Variants in SPOCK3 observed in about 807,000 individuals in gnomAD.
SPOCK3 encodes the protein SPARC (osteonectin), cwcv and kazal like domains proteoglycan 3, also known as testican-3.
A neutral mutation model predicts 56.6 loss-of-function variants in SPOCK3; 30 were observed. The ratio of observed to expected loss-of-function variants is 0.53; its 90% CI spans 0.40 to 0.72. SPOCK3 has a LOEUF of 0.72. Among genes scored for constraint, SPOCK3 ranks in the 30% least tolerant of loss-of-function variants. The pLI is 0.00. For synonymous variants in SPOCK3, 196 were observed against 183.3 expected (o/e 1.07, Z -0.56); for missense variants, 527 against 530.0 (o/e 0.99, Z 0.06).
intron 4 of SPOCK3, among the ~76,000 whole-genome samples, chr4:166,946,065 G>A (rs1490198197): frequency 1.3e-5 from 2 of 151,924 alleles, no homozygotes; most frequent in Non-Finnish European, 2.9e-5. Flanking sequence ...TATTGGTTAG[G>A]ACCATGAATA....
chr4:166,813,099 C>G (rs1047904158), intron 6 of SPOCK3, among the ~76,000 whole-genome samples: 60 of 152,102 alleles, frequency 3.9e-4, no homozygotes, highest in African/African-American at 1.4e-3. Context: ...GTTCCATACA[C>G]ACATTCTGTC....
At chr4:166,888,712 C>T (rs528876416) in intron 6 of SPOCK3, among the ~76,000 whole-genome samples, 77 of 152,052 alleles carry the variant, frequency 5.1e-4, no homozygotes, top group Middle Eastern at 3.4e-3. Context: ...GGGTAGACAT[C>T]TTTATTTAAA....
intron 2 of SPOCK3, among the ~76,000 whole-genome samples, chr4:167,207,775 A>G (rs1291024246): frequency 6.6e-6 from 1 of 152,168 alleles, no homozygotes; most frequent in Non-Finnish European, 1.5e-5. Flanking sequence ...ATGCTAAATG[A>G]CGAGTTAATG....
At chr4:166,903,810 G>A (rs1413007347) in intron 5 of SPOCK3, among the ~76,000 whole-genome samples, 4 of 152,118 alleles carry the variant, frequency 2.6e-5, no homozygotes, top group Non-Finnish European at 5.9e-5. Flanking sequence ...TTTAGGGTGG[G>A]AAGCGGTTAA....
intron 3 of SPOCK3, among the ~76,000 whole-genome samples, chr4:167,023,315 T>C (rs569715789): frequency 6.6e-6 from 1 of 152,114 alleles, no homozygotes; most frequent in South Asian, 2.1e-4. Context: ...GTACTGTGTC[T>C]GGTAGCCAGA....
Position 167,000,361 on chromosome 4 carries a change from C to T in SPOCK3, c.338G>A (p.Arg113Lys). The change falls in exon 4 of 11, where the codon AGG becomes AAG. Residue 113 changes from arginine to lysine, a missense_variant. Transcript: ENST00000357545. ...TAACAATGTTTACCTGTGTGTAAGC[C>T]TCCGGTGACTAATGCAGACTGCAGT... is the stretch of plus-strand genomic sequence containing the variant. Reference protein sequence around the residue: ...SQTAVCISHRRLTHRMKEAGV... With the variant: ...SQTAVCISHRKLTHRMKEAGV... 6.4e-7 allele frequency: 1 copy of T among 1,564,384 alleles called. No homozygotes were observed. Among genetic ancestry groups the T allele is most frequent in the Non-Finnish European group, 8.7e-7 (1 of 1,144,078 alleles).
chr4:166,841,532 A>T (rs1034042697), intron 6 of SPOCK3, among the ~76,000 whole-genome samples: 3 of 152,216 alleles, frequency 2.0e-5, no homozygotes, highest in African/African-American at 7.2e-5. Context: ...AAACCTATTT[A>T]GTTTTCTTGT....
At chr4:166,843,268 G>T (rs2126841447) in intron 6 of SPOCK3, among the ~76,000 whole-genome samples, 1 of 152,358 alleles carries the variant, frequency 6.6e-6, no homozygotes, top group Non-Finnish European at 1.5e-5. Flanking sequence ...GGCTTCTCAA[G>T]CTTGGCCAGA....
At chr4:166,821,759 G>A (rs1006079628) in intron 6 of SPOCK3, among the ~76,000 whole-genome samples, 5 of 152,010 alleles carry the variant, frequency 3.3e-5, no homozygotes, top group African/African-American at 7.2e-5. Flanking sequence ...AATTAACAAT[G>A]TCTACAAATA....
intron 3 of SPOCK3, among the ~76,000 whole-genome samples, chr4:167,003,126 A>T (rs1016948033): frequency 7.2e-5 from 11 of 152,108 alleles, no homozygotes; most frequent in African/African-American, 2.7e-4. Flanking sequence ...AATTTCCAAA[A>T]GTTCTGTCAC....
intron 8 of SPOCK3, among the ~76,000 whole-genome samples, chr4:166,743,119 G>A (rs1477477067): frequency 6.6e-6 from 1 of 151,928 alleles, no homozygotes; most frequent in Admixed American, 6.6e-5. Flanking sequence ...CATATAATAT[G>A]TAATATATAC....
chr4:166,736,171 T>C (rs947701323), intron 10 of SPOCK3, among the ~76,000 whole-genome samples: 1 of 152,136 alleles, frequency 6.6e-6, no homozygotes, highest in Non-Finnish European at 1.5e-5. Flanking sequence ...GAAGAAAATA[T>C]TTAGTTCTCC....
At chr4:167,186,526 C>T (rs1295988160) in intron 2 of SPOCK3, among the ~76,000 whole-genome samples, 1 of 151,712 alleles carries the variant, frequency 6.6e-6, no homozygotes, top group Non-Finnish European at 1.5e-5. Context: ...ACTTGGGAAG[C>T]TGAGGCAGGA....
intron 7 of SPOCK3, among the ~76,000 whole-genome samples, chr4:166,768,151 G>A (rs1738387351): frequency 6.6e-6 from 1 of 152,112 alleles, no homozygotes; most frequent in South Asian, 2.1e-4. Context: ...CAATTTGCCA[G>A]TCTGTGTCTT....
intron 2 of SPOCK3, among the ~76,000 whole-genome samples, chr4:167,131,866 T>C (rs1185957994): frequency 6.6e-6 from 1 of 152,218 alleles, no homozygotes; most frequent in Admixed American, 6.5e-5. Flanking sequence ...ATAAGTACTA[T>C]GAATCTCAAA....
chr4:167,024,411 A>G (rs1286556544), intron 3 of SPOCK3, among the ~76,000 whole-genome samples: 1 of 152,042 alleles, frequency 6.6e-6, no homozygotes, highest in Non-Finnish European at 1.5e-5. Context: ...TCACAATTAA[A>G]TGTATAAATT....
intron 10 of SPOCK3, among the ~76,000 whole-genome samples, chr4:166,736,922 A>C (rs1288611589): frequency 6.6e-6 from 1 of 152,176 alleles, no homozygotes; most frequent in African/African-American, 2.4e-5. Context: ...TTCCTAAAAA[A>C]GAATTAGAAT....
intron 4 of SPOCK3, among the ~76,000 whole-genome samples, chr4:166,962,330 G>C (rs1282505707): frequency 6.6e-6 from 1 of 152,126 alleles, no homozygotes; most frequent in Non-Finnish European, 1.5e-5. Flanking sequence ...AAACCACAGT[G>C]TGTTAAGGTG....
chr4:166,854,107 A>C (rs1730413505), intron 6 of SPOCK3, among the ~76,000 whole-genome samples: 1 of 152,198 alleles, frequency 6.6e-6, no homozygotes, highest in African/African-American at 2.4e-5. Flanking sequence ...GTAGCATTCT[A>C]ACCATTATAG....
Sources: gnomAD v4.1 joint callset for allele counts (sites outside exome capture counted in the v4.1 genomes callset) on GRCh38, gnomAD v4.1.1 for gene constraint, MANE v1.5 for transcripts, NCBI Gene and HGNC (gene_info 2026-07-23, HGNC 2026-07-21) for gene names.